Variants in NTRK3 observed in about 807,000 individuals in gnomAD.
The protein encoded by NTRK3 is NT-3 growth factor receptor.
A neutral mutation model predicts 91.7 loss-of-function variants in NTRK3; 24 were observed. The ratio of observed to expected loss-of-function variants is 0.26; its 90% CI spans 0.19 to 0.37. The LOEUF is 0.37. Ranked by LOEUF, NTRK3 falls within the 10% of genes least tolerant of loss-of-function variation. The pLI is 1.00. For synonymous variants in NTRK3, 483 were observed against 404.0 expected, an observed-to-expected ratio of 1.20 and a Z score of -2.34; for missense variants, 880 against 1,068.9, an observed-to-expected ratio of 0.82 and a Z score of 2.46.
At chr15:88,002,322 A>C (rs1035926543) in intron 14 of NTRK3, among the ~76,000 whole-genome samples, 7 of 152,178 alleles carry the variant, frequency 4.6e-5, no homozygotes, top group African/African-American at 1.7e-4. Flanking sequence ...AAGTTCAGCC[A>C]AGGATGGATA....
intron 13 of NTRK3, among the ~76,000 whole-genome samples, chr15:88,066,001 T>C (rs982523649): frequency 1.3e-5 from 2 of 152,240 alleles, no homozygotes; most frequent in African/African-American, 2.4e-5. Context: ...CTGGGCCTTA[T>C]GACATTTTAG....
chr15:87,973,904 G>A lies in NTRK3; in HGVS notation c.1586-33151C>T, dbSNP rs551858064. Among the ~76,000 whole-genome samples the A allele has an allele frequency of 1.2e-3, 180 of 152,256 alleles. 1 individual carries two copies. The highest frequency in any genetic ancestry group is 4.2e-3 in the African/African-American group (173 of 41,560). ...GAGTCATGCTGGCAGCAATGTGCGA[G>A]TCTAGCCAGAGCACAGGAGTCAGTA... is the stretch of plus-strand genomic sequence containing the variant. On this transcript the variant is annotated intron_variant, in intron 14 of 18. Transcript: ENST00000394480.
intron 16 of NTRK3, among the ~76,000 whole-genome samples, chr15:87,932,291 T>C (rs931613185): frequency 6.6e-6 from 1 of 152,204 alleles, no homozygotes; most frequent in Non-Finnish European, 1.5e-5. Flanking sequence ...GAACTTTCTA[T>C]TGATGGAAAC....
intron 14 of NTRK3, among the ~76,000 whole-genome samples, chr15:87,944,388 C>T (rs562671049): frequency 3.3e-5 from 5 of 152,324 alleles, no homozygotes; most frequent in East Asian, 3.9e-4. Flanking sequence ...TTAACTTGCA[C>T]GCTATGTATT....
At chr15:88,206,343 CAA>C (rs113171048) in intron 3 of NTRK3, among the ~76,000 whole-genome samples, 1 of 117,764 alleles carries the variant, frequency 8.5e-6, no homozygotes, top group Admixed American at 9.5e-5. Context: ...GACTCCATCT[CAA>C]AAAAAAAAAC....
chr15:88,005,647 C>T (rs2076433278), intron 14 of NTRK3, among the ~76,000 whole-genome samples: 1 of 152,078 alleles, frequency 6.6e-6, no homozygotes, highest in South Asian at 2.1e-4. Flanking sequence ...TCCTGGAATA[C>T]CTGACATCTG....
intron 13 of NTRK3, among the ~76,000 whole-genome samples, chr15:88,106,262 G>A (rs2050699972): frequency 6.6e-6 from 1 of 152,200 alleles, no homozygotes; most frequent in Non-Finnish European, 1.5e-5. Flanking sequence ...CCCTACCAGA[G>A]GCTCCCTGAA....
intron 13 of NTRK3, among the ~76,000 whole-genome samples, chr15:88,076,843 A>C (rs923521326): frequency 6.6e-6 from 1 of 152,152 alleles, no homozygotes; most frequent in Admixed American, 6.6e-5. Context: ...CTGCAATCTC[A>C]ACACTTTGGG....
At position 87,860,725 on chromosome 15, in the gene NTRK3, A is replaced by G. The variant is rs544405518; in HGVS notation, c.*16210T>C. On this transcript the variant is annotated 3_prime_UTR_variant, in exon 19 of 19. Coordinates refer to ENST00000394480, the Ensembl canonical transcript of NTRK3. ...AGTTCTACTAAAACCTCAGTCACTT[A>G]TGTTAAGTTATCAACTTTGGGATCC... is the stretch of plus-strand genomic sequence containing the variant. 3.8e-5 allele frequency: 8 copies of G among 209,924 alleles called. No individual in the cohort carries two copies. The East Asian group carries it at 5.8e-4, about 15-fold the overall frequency. 13.0% of individuals were successfully genotyped at this position (209,924 alleles called of 1,614,324 possible).
In NTRK3 at chr15:88,240,709, G is replaced by A. The variant is rs1424506216; in HGVS notation, c.248+15197C>T. On this transcript the variant is annotated intron_variant, in intron 3 of 18. Coordinates refer to ENST00000394480, the Ensembl canonical transcript of NTRK3. The surrounding 1 kb of genome is among the most constrained non-coding windows in gnomAD (Gnocchi z 4.9). ...TCTCCCCTGTAAAATGAGGATGATCGTGGGACCTGCCATGTCACTGTGCTG... is the reference window on the plus strand; with the variant it reads ...TCTCCCCTGTAAAATGAGGATGATCATGGGACCTGCCATGTCACTGTGCTG... Among the ~76,000 whole-genome samples the A allele has an allele frequency of 1.3e-5, 2 of 152,218 alleles. No individual in the cohort carries two copies. The highest frequency in any genetic ancestry group is 2.9e-5 in the Non-Finnish European group (2 of 68,040).
chr15:87,992,946 T>C (rs1459295493), intron 14 of NTRK3, among the ~76,000 whole-genome samples: 2 of 152,240 alleles, frequency 1.3e-5, no homozygotes, highest in Non-Finnish European at 2.9e-5. Context: ...CTTGTGTGTG[T>C]GTGATCTGTA....
At chr15:87,988,887 A>C (rs1410087038) in intron 14 of NTRK3, among the ~76,000 whole-genome samples, 1 of 152,146 alleles carries the variant, frequency 6.6e-6, no homozygotes, top group Non-Finnish European at 1.5e-5. Flanking sequence ...CATGCTTATC[A>C]TTATATTTTT....
intron 13 of NTRK3, among the ~76,000 whole-genome samples, chr15:88,116,698 A>ACCAGAATCCACATTTTTAACAAGATCC: frequency 1.3e-5 from 2 of 152,264 alleles, no homozygotes; most frequent in Admixed American, 1.3e-4. Flanking sequence ...GACCTATTGA[A>ACCAGAATCCACATTTTTAACAAGATCC]CCAGAATCCA....
intron 13 of NTRK3, among the ~76,000 whole-genome samples, chr15:88,112,730 G>A (rs1222813461): frequency 2.0e-5 from 3 of 152,210 alleles, no homozygotes; most frequent in Non-Finnish European, 4.4e-5. Context: ...ACTCTGAGCA[G>A]CAGGGTTCAG....
At chr15:87,983,222 C>T (rs960000286) in intron 14 of NTRK3, among the ~76,000 whole-genome samples, 1 of 152,234 alleles carries the variant, frequency 6.6e-6, no homozygotes, top group Admixed American at 6.5e-5. Context: ...TGTACCCTAG[C>T]ATGGGCTGAA....
chr15:87,873,754 G>C (rs2064883411), exon 19 of NTRK3: 1 of 231,700 alleles, frequency 4.3e-6, no homozygotes, highest in Non-Finnish European at 8.5e-6. Flanking sequence ...TGGTATGTAG[G>C]AATGCCAGGA....
intron 14 of NTRK3, among the ~76,000 whole-genome samples, chr15:88,030,688 T>G (rs953847317): frequency 1.3e-5 from 2 of 152,102 alleles, no homozygotes; most frequent in Non-Finnish European, 2.9e-5. Context: ...TTTAGGGCCA[T>G]GTGTAGAGTG....
chr15:87,931,034 C>T (rs1318022044), intron 16 of NTRK3: 1 of 348,028 alleles, frequency 2.9e-6, no homozygotes, highest in South Asian at 2.3e-5. Flanking sequence ...ACCTTATACA[C>T]TTCTTTCTGT....
rs1228250667 is a variant in NTRK3 at position 87,975,488 on chromosome 15, C to T, written c.1586-34735G>A. On this transcript the variant is annotated intron_variant, in intron 14 of 18. Coordinates refer to ENST00000394480, the Ensembl canonical transcript of NTRK3. ...AGCTACTGTGAAATCCTGTTGGTGA[C>T]ATTCGAATGCAGGAGGTCAGGGAGC... 2.6e-5 allele frequency among the ~76,000 whole-genome samples: 4 copies of T among 152,134 alleles called. No individual in the cohort carries two copies. The East Asian group carries it at 7.7e-4, about 29-fold the overall frequency.
Sources: allele counts gnomAD v4.1 joint callset (sites outside exome capture counted in the v4.1 genomes callset), GRCh38; gene constraint gnomAD v4.1.1; non-coding constraint Gnocchi (gnomAD v3.1); transcripts MANE v1.5; gene names NCBI Gene and HGNC (gene_info 2026-07-23, HGNC 2026-07-21).